The following FMN1 variants were observed in gnomAD, a reference collection of about 807,000 sequenced individuals.
FMN1 encodes formin 1.
Under a neutral mutation model 132.4 loss-of-function variants are expected in FMN1, and 110 were observed. That is an observed-to-expected ratio of 0.83 (90% confidence interval 0.71 to 0.97). The LOEUF (loss-of-function observed/expected upper bound fraction) is 0.97. Ranked by LOEUF, FMN1 falls within the 50% of genes least tolerant of loss-of-function variation. The probability of loss-of-function intolerance (pLI) is 0.00; values close to 1 mark genes in which losing one functional copy is unlikely to be tolerated. For missense variants in FMN1, 1,792 were observed against 1,705.3 expected (o/e 1.05, Z -0.90); for synonymous variants, 722 against 651.7 (o/e 1.11, Z -1.64).
intron 6 of FMN1, among the ~76,000 whole-genome samples, chr15:33,014,973 T>A (rs1328992455): frequency 6.6e-6 from 1 of 152,214 alleles, no homozygotes; most frequent in African/African-American, 2.4e-5. Flanking sequence ...TTACACAGAT[T>A]AACTCCTGCC....
At chr15:33,144,378 T>G (rs977372671) in intron 4 of FMN1, among the ~76,000 whole-genome samples, 2 of 152,094 alleles carry the variant, frequency 1.3e-5, no homozygotes, top group Non-Finnish European at 2.9e-5. Flanking sequence ...GGCTCACTCC[T>G]GTAATCCCAG....
chr15:32,775,326 A>G (rs969809527), intron 20 of FMN1, among the ~76,000 whole-genome samples: 2 of 152,056 alleles, frequency 1.3e-5, no homozygotes, highest in Non-Finnish European at 2.9e-5. Flanking sequence ...ACCCACACAG[A>G]CAATAAAATA....
rs578174916 is a variant in FMN1 at position 33,100,758 on chromosome 15, G to A, written c.1868-11784C>T. Among the ~76,000 whole-genome samples, 7 of 152,138 alleles carry A rather than the reference G, an allele frequency of 4.6e-5. No homozygotes were observed. In the East Asian group the frequency reaches 9.6e-4, roughly 21 times the overall value. On this transcript the variant is annotated intron_variant, in intron 4 of 20. Transcript: ENST00000616417. ...AAGCTAATCATAAAGAATCATCATC[G>A]TTGTTATTTGAGATCTATTACAAAT... is the stretch of plus-strand genomic sequence containing the variant.
intron 13 of FMN1, chr15:32,900,340 TAA>T: frequency 1.4e-6 from 1 of 695,088 alleles, no homozygotes; most frequent in South Asian, 1.5e-5. Context: ...AAATTAATTA[TAA>T]ACAGTGCATG....
At position 32,848,977 on chromosome 15, in the gene FMN1, G is replaced by GTTTTTTTTT. The variant is rs71113479; in HGVS notation, c.3928+8029_3928+8037dup. On this transcript the variant is annotated intron_variant, in intron 17 of 20. Transcript: ENST00000616417. ...ATCAGTCTTGGGTTAGTTCTCTTTT[G>GTTTTTTTTT]TTTTTTTTTTTTTTTTTTTTTTCAG... 1.2e-4 allele frequency among the ~76,000 whole-genome samples: 11 copies of GTTTTTTTTT among 89,574 alleles called. 1 individual carries two copies. The highest frequency in any genetic ancestry group is 7.9e-4 in the East Asian group (2 of 2,526). The allele number at this position is 89,574 out of a possible 152,430, so 58.8% of individuals were successfully genotyped here.
chr15:33,006,253 G>C (rs528914326), intron 7 of FMN1, among the ~76,000 whole-genome samples: 2 of 152,122 alleles, frequency 1.3e-5, no homozygotes, highest in South Asian at 4.2e-4. Flanking sequence ...TTTCTCAAAA[G>C]AAGACATACA....
chr15:32,947,969 G>T (rs116050421), intron 9 of FMN1, among the ~76,000 whole-genome samples: 2 of 151,796 alleles, frequency 1.3e-5, no homozygotes, highest in East Asian at 1.9e-4. Flanking sequence ...CACTTGCTTA[G>T]ATTAAATAAA....
intron 19 of FMN1, among the ~76,000 whole-genome samples, chr15:32,782,407 G>A (rs2056694448): frequency 6.6e-6 from 1 of 152,196 alleles, no homozygotes; most frequent in Non-Finnish European, 1.5e-5. Flanking sequence ...AAAACATTTA[G>A]AAGTGTAGTT....
intron 4 of FMN1, among the ~76,000 whole-genome samples, chr15:33,148,307 G>A (rs759433905): frequency 7.2e-5 from 11 of 152,034 alleles, no homozygotes; most frequent in Non-Finnish European, 1.5e-4. Context: ...ACTCATAGAC[G>A]TCATTCTACC....
chr15:33,017,935 C>T (rs567978736), intron 6 of FMN1, among the ~76,000 whole-genome samples: 2 of 152,098 alleles, frequency 1.3e-5, no homozygotes, highest in South Asian at 2.1e-4. Context: ...TGTGGTGGCT[C>T]GCACCTGTAA....
In FMN1 at chr15:32,771,520, C is replaced by T. The variant is rs181143653; in HGVS notation, c.*2790G>A. On this transcript the variant is annotated 3_prime_UTR_variant, in exon 21 of 21. Transcript: ENST00000616417. ...CTGAACTACTGTCAAACTGTGTCCT[C>T]AGATTTAATGAATATTGTCTAAGAG... The T allele has an allele frequency of 1.3e-5, 2 of 152,318 alleles. No homozygotes were observed. Among genetic ancestry groups the T allele is most frequent in the Admixed American group, 6.5e-5 (1 of 15,302 alleles). 9.4% of individuals were successfully genotyped at this position (152,318 alleles called of 1,614,324 possible).
chr15:33,119,598 A>T (rs1332733268), intron 4 of FMN1, among the ~76,000 whole-genome samples: 1 of 152,194 alleles, frequency 6.6e-6, no homozygotes, highest in African/African-American at 2.4e-5. Flanking sequence ...CTATTCTTGA[A>T]GAGCTTGCTT....
Position 32,823,249 on chromosome 15 carries a change from C to A in FMN1, c.3929-18917G>T, listed in dbSNP as rs1321455901. On this transcript the variant is annotated intron_variant, in intron 17 of 20. Coordinates refer to ENST00000616417, the MANE Select transcript of FMN1 (RefSeq NM_001277313.2). ...CAATCTCGGCTCACTGCAAGCTCTG[C>A]CTCCTGGGTTCACACCATTCTCCTG... is the stretch of plus-strand genomic sequence containing the variant. Among the ~76,000 whole-genome samples, 3 of 145,410 alleles carry A rather than the reference C, an allele frequency of 2.1e-5. No individual in the cohort carries two copies. The Admixed American group carries it at 2.1e-4, about 10-fold the overall frequency.
intron 15 of FMN1, among the ~76,000 whole-genome samples, chr15:32,890,599 A>C (rs915105350): frequency 6.6e-6 from 1 of 152,140 alleles, no homozygotes; most frequent in Non-Finnish European, 1.5e-5. Flanking sequence ...TACTTCGCCG[A>C]CTTTTTGATG....
chr15:32,817,364 T>A (rs1444740889), intron 17 of FMN1, among the ~76,000 whole-genome samples: 1 of 152,236 alleles, frequency 6.6e-6, no homozygotes, highest in Non-Finnish European at 1.5e-5. Context: ...TCCCTAATAT[T>A]GGCTATTGCT....
At chr15:32,950,567 C>A (rs2061629255) in intron 9 of FMN1, among the ~76,000 whole-genome samples, 1 of 152,090 alleles carries the variant, frequency 6.6e-6, no homozygotes, top group Admixed American at 6.5e-5. Context: ...GGGCCATACT[C>A]CTTAGTAAAC....
At chr15:32,844,398 A>AT (rs1244805740) in intron 17 of FMN1, among the ~76,000 whole-genome samples, 1 of 152,202 alleles carries the variant, frequency 6.6e-6, no homozygotes, top group African/African-American at 2.4e-5. Context: ...CTTAAATGGA[A>AT]TTATGTACAT....
At position 32,950,123 on chromosome 15, in the gene FMN1, C is replaced by T. The variant is rs1442976281; in HGVS notation, c.3138+13984G>A. On this transcript the variant is annotated intron_variant, in intron 9 of 20. Transcript: ENST00000616417. ...CTGGCCATTAGAGAAAAATGCAAATCAAAACCACAATGAGATACCATCTTA... is the reference window on the plus strand; with the variant it reads ...CTGGCCATTAGAGAAAAATGCAAATTAAAACCACAATGAGATACCATCTTA... 1.5e-5 allele frequency among the ~76,000 whole-genome samples: 2 copies of T among 130,778 alleles called. 1 individual carries two copies. The highest frequency in any genetic ancestry group is 3.3e-5 in the Non-Finnish European group (2 of 61,082). The allele number at this position is 130,778 out of a possible 152,430, so 85.8% of individuals were successfully genotyped here. A position where few individuals can be genotyped will look rare whatever the true frequency, so the allele number is the denominator to read the frequency against.
At chr15:32,963,212 A>C (rs1212331987) in intron 9 of FMN1, among the ~76,000 whole-genome samples, 4 of 151,788 alleles carry the variant, frequency 2.6e-5, no homozygotes, top group African/African-American at 9.7e-5. Flanking sequence ...ATGAAATTGG[A>C]AATCATCATT....
Sources: allele counts gnomAD v4.1 joint callset (sites outside exome capture counted in the v4.1 genomes callset), GRCh38; gene constraint gnomAD v4.1.1; transcripts MANE v1.5; gene names NCBI Gene and HGNC (gene_info 2026-07-23, HGNC 2026-07-21).